The following PCCA variants were observed in gnomAD, a reference collection of about 807,000 sequenced individuals.
PCCA encodes the protein propionyl-CoA carboxylase alpha chain, mitochondrial.
Under a neutral mutation model 101.3 loss-of-function variants are expected in PCCA, and 74 were observed. The observed-to-expected ratio is 0.73, with a 90% CI of 0.61 to 0.89. The LOEUF (loss-of-function observed/expected upper bound fraction) is 0.89. Among genes scored for constraint, PCCA ranks in the 40% least tolerant of loss-of-function variants. PCCA has a pLI of 0.00. For synonymous variants in PCCA, 294 were observed against 313.6 expected, an observed-to-expected ratio of 0.94 and a Z score of 0.66; for missense variants, 891 against 907.0, an observed-to-expected ratio of 0.98 and a Z score of 0.23.
chr13:100,110,576 C>T (rs1566488395), intron 2 of PCCA, among the ~76,000 whole-genome samples: 1 of 152,200 alleles, frequency 6.6e-6, no homozygotes. Flanking sequence ...TCAAACTTAA[C>T]ATTGGATTCA....
At chr13:100,297,164 C>G (rs1454595578) in intron 12 of PCCA, among the ~76,000 whole-genome samples, 1 of 152,184 alleles carries the variant, frequency 6.6e-6, no homozygotes, top group Non-Finnish European at 1.5e-5. Flanking sequence ...CTCTTTATCC[C>G]ATTATTGGTG....
intron 6 of PCCA, chr13:100,161,633 T>G (rs971250773): frequency 2.0e-5 from 3 of 151,416 alleles, no homozygotes; most frequent in African/African-American, 7.3e-5. Flanking sequence ...ATGATCCATA[T>G]GATACTCTAC....
At chr13:100,395,396 A>AT (rs2076997461) in intron 19 of PCCA, among the ~76,000 whole-genome samples, 1 of 152,254 alleles carries the variant, frequency 6.6e-6, no homozygotes, top group African/African-American at 2.4e-5. Context: ...CAAGGGATAT[A>AT]CCACCATTGA....
intron 4 of PCCA, among the ~76,000 whole-genome samples, chr13:100,144,476 C>T (rs564003686): frequency 6.6e-6 from 1 of 152,128 alleles, no homozygotes; most frequent in African/African-American, 2.4e-5. Context: ...GGTATGATCA[C>T]TTTCATGTAC....
intron 19 of PCCA, among the ~76,000 whole-genome samples, chr13:100,408,369 A>G (rs923927271): frequency 3.3e-5 from 5 of 152,206 alleles, no homozygotes; most frequent in Non-Finnish European, 4.4e-5. Flanking sequence ...TAGTCCACCT[A>G]TTTACATTTT....
At chr13:100,348,778 TTC>T (rs1491325745) in intron 18 of PCCA, among the ~76,000 whole-genome samples, 10 of 89,984 alleles carry the variant, frequency 1.1e-4, no homozygotes, top group African/African-American at 4.6e-4. Flanking sequence ...CTTTCTTTCT[TTC>T]TTTCTTTCTT....
chr13:100,291,290 AAG>A (rs2065099134), intron 12 of PCCA, among the ~76,000 whole-genome samples: 1 of 152,122 alleles, frequency 6.6e-6, no homozygotes, highest in Non-Finnish European at 1.5e-5. Flanking sequence ...AAAAAAAGAA[AAG>A]TGTACGGGAT....
At chr13:100,501,871 C>CTAAATAAATAAA (rs554849408) in intron 21 of PCCA, among the ~76,000 whole-genome samples, 21,244 of 140,616 alleles carry the variant, frequency 0.15, 2,159 homozygotes, top group East Asian at 0.41. Context: ...GACACTCCTT[C>CTAAATAAATAAA]TCAATAAATA....
intron 21 of PCCA, among the ~76,000 whole-genome samples, chr13:100,510,398 C>A (rs1232320677): frequency 6.6e-6 from 1 of 152,114 alleles, no homozygotes; most frequent in Admixed American, 6.5e-5. Context: ...TGCTAAATAC[C>A]CCAGTCATTG....
intron 8 of PCCA, among the ~76,000 whole-genome samples, chr13:100,241,315 G>A (rs1009099437): frequency 6.6e-6 from 1 of 151,810 alleles, no homozygotes; most frequent in Non-Finnish European, 1.5e-5. Context: ...ACTTATTCTG[G>A]GGATATTTCA....
chr13:100,198,273 C>T (rs531836933), intron 6 of PCCA: 1 of 152,304 alleles, frequency 6.6e-6, no homozygotes, highest in Non-Finnish European at 1.5e-5. Context: ...AGTCTCATCT[C>T]GTCTGTGATT....
intron 19 of PCCA, among the ~76,000 whole-genome samples, chr13:100,403,399 T>G (rs2077482677): frequency 6.6e-6 from 1 of 152,158 alleles, no homozygotes; most frequent in Non-Finnish European, 1.5e-5. Flanking sequence ...GGCACATGGT[T>G]CTGCAGGCTG....
chr13:100,455,221 C>G (rs1317708703), intron 21 of PCCA, among the ~76,000 whole-genome samples: 3 of 152,062 alleles, frequency 2.0e-5, no homozygotes, highest in African/African-American at 4.8e-5. Context: ...GTGGTGTGAC[C>G]AGGGAAGCCT....
At chr13:100,525,499 CCA>C (rs1441071884) in intron 22 of PCCA, among the ~76,000 whole-genome samples, 1 of 152,250 alleles carries the variant, frequency 6.6e-6, no homozygotes, top group African/African-American at 2.4e-5. Context: ...CTGGCGGGGC[CCA>C]GAGTAGAGCT....
intron 6 of PCCA, among the ~76,000 whole-genome samples, chr13:100,171,614 C>T (rs960676431): frequency 5.9e-5 from 9 of 152,204 alleles, no homozygotes; most frequent in East Asian, 1.9e-4. Flanking sequence ...TACGGCCAGA[C>T]GCAGTGGCCT....
At chr13:100,458,440 TACACACACACACACACACAC>T (rs777836240) in intron 21 of PCCA, among the ~76,000 whole-genome samples, 24,171 of 118,808 alleles carry the variant, frequency 0.2, 2,337 homozygotes, top group Admixed American at 0.24. Flanking sequence ...CACACACACA[TACACACACACACACACACAC>T]ACACACACAC....
intron 20 of PCCA, among the ~76,000 whole-genome samples, chr13:100,447,510 A>G (rs561541776): frequency 6.6e-6 from 1 of 152,216 alleles, no homozygotes; most frequent in South Asian, 2.1e-4. Flanking sequence ...CGTCTCTACT[A>G]AAAATACAAA....
At chr13:100,207,449 C>G (rs937730324) in intron 6 of PCCA, among the ~76,000 whole-genome samples, 4 of 151,970 alleles carry the variant, frequency 2.6e-5, no homozygotes, top group Non-Finnish European at 5.9e-5. Context: ...GGCTCCATCT[C>G]GGCTCACTGC....
At chr13:100,132,982 T>A (rs190853484) in intron 4 of PCCA, among the ~76,000 whole-genome samples, 326 of 152,294 alleles carry the variant, frequency 2.1e-3, no homozygotes, top group African/African-American at 7.5e-3. Context: ...GGTTTCACCA[T>A]GTTGGCCAGG....
Sources: gnomAD v4.1 joint callset for allele counts (sites outside exome capture counted in the v4.1 genomes callset) on GRCh38, gnomAD v4.1.1 for gene constraint, MANE v1.5 for transcripts, NCBI Gene and HGNC (gene_info 2026-07-23, HGNC 2026-07-21) for gene names.